Variants in SIPA1L3 observed in about 807,000 individuals in gnomAD.
The protein encoded by SIPA1L3 is signal induced proliferation associated 1 like 3, also known as signal-induced proliferation-associated 1-like protein 3.
Under a neutral mutation model 150.1 loss-of-function variants are expected in SIPA1L3, and 59 were observed. That is an observed-to-expected ratio of 0.39 (90% CI 0.32 to 0.49). The LOEUF is 0.49. Ranked by LOEUF, SIPA1L3 falls within the 20% of genes least tolerant of loss-of-function variation. The pLI, the probability that SIPA1L3 is intolerant of heterozygous loss-of-function variation, is 0.86. For missense variants in SIPA1L3, 2,211 were observed against 2,489.5 expected, an observed-to-expected ratio of 0.89 and a Z score of 2.38; for synonymous variants, 1,070 against 1,077.6, an observed-to-expected ratio of 0.99 and a Z score of 0.14.
At chr19:38,132,540 T>G (rs1228809127) in intron 10 of SIPA1L3, among the ~76,000 whole-genome samples, 1 of 142,482 alleles carries the variant, frequency 7.0e-6, no homozygotes, top group East Asian at 2.1e-4. Context: ...GCTGAGATCG[T>G]GCCATTGCAC....
chr19:38,175,973 C>T (rs570175248), intron 15 of SIPA1L3, among the ~76,000 whole-genome samples: 4 of 152,158 alleles, frequency 2.6e-5, no homozygotes, highest in African/African-American at 7.2e-5. Context: ...TTTGGGAGGC[C>T]GAGGCGGGCG....
At chr19:37,956,301 G>A (rs985713429) in intron 1 of SIPA1L3, among the ~76,000 whole-genome samples, 5 of 152,044 alleles carry the variant, frequency 3.3e-5, no homozygotes, top group African/African-American at 7.3e-5. Context: ...TTGGCCATTC[G>A]TGTATCTTCT....
chr19:38,157,358 C>T lies in SIPA1L3; in HGVS notation c.3661+4391C>T, dbSNP rs182174220. 7.2e-5 allele frequency among the ~76,000 whole-genome samples: 11 copies of T among 152,246 alleles called. No individual in the cohort carries two copies. In the East Asian group the frequency reaches 2.1e-3, roughly 29 times the overall value. ...CAGGAACACAACAGGGTGGGCACTG[C>T]GACTGCCCCCGGTTAGAGAGGAGGA... On this transcript the variant is annotated intron_variant, in intron 13 of 21. Transcript: ENST00000222345.
intron 2 of SIPA1L3, among the ~76,000 whole-genome samples, chr19:38,063,825 AAAT>A (rs911497297): frequency 2.0e-5 from 3 of 152,182 alleles, no homozygotes; most frequent in Non-Finnish European, 1.5e-5. Context: ...ACTGAGAAAA[AAAT>A]AATAATAATA....
At chr19:38,137,139 G>A (rs1005047156) in intron 10 of SIPA1L3, among the ~76,000 whole-genome samples, 3 of 152,134 alleles carry the variant, frequency 2.0e-5, no homozygotes, top group Non-Finnish European at 2.9e-5. Flanking sequence ...ATCTGGCCCC[G>A]CAGCCCTGGT....
At chr19:38,182,800 C>A in intron 16 of SIPA1L3, 60 bp downstream of exon 16, 3 of 1,349,016 alleles carry the variant, frequency 2.2e-6, no homozygotes, top group East Asian at 2.4e-5. Flanking sequence ...GTCTCCGGGG[C>A]GGAAAGAGGG....
intron 11 of SIPA1L3, among the ~76,000 whole-genome samples, chr19:38,141,976 A>AAAAAT (rs140743573): frequency 2.6e-5 from 4 of 152,276 alleles, no homozygotes; most frequent in African/African-American, 7.2e-5. Context: ...CTTATCTCTG[A>AAAAAT]AAAATAAAAT....
chr19:37,914,818 A>C (rs2046403320), intron 1 of SIPA1L3, among the ~76,000 whole-genome samples: 1 of 152,130 alleles, frequency 6.6e-6, no homozygotes, highest in Non-Finnish European at 1.5e-5. Flanking sequence ...TTTTTTATAA[A>C]ATAATAATAA....
intron 1 of SIPA1L3, among the ~76,000 whole-genome samples, chr19:37,984,810 C>T (rs1460475976): frequency 6.6e-6 from 1 of 152,242 alleles, no homozygotes; most frequent in African/African-American, 2.4e-5. Flanking sequence ...GCCTCTCATG[C>T]AGGCAACTCT....
At chr19:38,145,883 C>T (rs1971694496) in intron 12 of SIPA1L3, among the ~76,000 whole-genome samples, 1 of 151,174 alleles carries the variant, frequency 6.6e-6, no homozygotes, top group South Asian at 2.1e-4. Flanking sequence ...TTTTTGGAGA[C>T]AAAGTCTCAC....
intron 1 of SIPA1L3, among the ~76,000 whole-genome samples, chr19:37,938,971 T>A (rs2046627345): frequency 6.6e-6 from 1 of 152,202 alleles, no homozygotes; most frequent in South Asian, 2.1e-4. Context: ...TTATATACTG[T>A]GGCTACTAAT....
intron 4 of SIPA1L3, among the ~76,000 whole-genome samples, chr19:38,096,253 T>C (rs1473015039): frequency 6.6e-6 from 1 of 152,036 alleles, no homozygotes; most frequent in Non-Finnish European, 1.5e-5. Flanking sequence ...CCTTAGTCTT[T>C]TTGTTGTTGT....
chr19:38,192,132 G>T lies in SIPA1L3; in HGVS notation c.4431-13G>T. On this transcript the variant is annotated splice_polypyrimidine_tract_variant and intron_variant, in intron 16 of 21. Transcript: ENST00000222345. Reference sequence around the variant, plus strand: ...TCCCTGACACCCCTCTGACCCTGACGCTGTCATTCCAGGCAGGTGGACACG... The same window carrying T: ...TCCCTGACACCCCTCTGACCCTGACTCTGTCATTCCAGGCAGGTGGACACG... 6.3e-7 allele frequency: 1 copy of T among 1,591,100 alleles called. No homozygotes were observed. Among genetic ancestry groups the T allele is most frequent in the Non-Finnish European group, 8.5e-7 (1 of 1,169,712 alleles).
chr19:38,104,024 C>T (rs1970567058), intron 6 of SIPA1L3, among the ~76,000 whole-genome samples: 1 of 151,922 alleles, frequency 6.6e-6, no homozygotes, highest in South Asian at 2.1e-4. Flanking sequence ...TGTCACAGCT[C>T]CCTGGGGAAT....
intron 15 of SIPA1L3, among the ~76,000 whole-genome samples, chr19:38,169,584 G>A (rs1193188429): frequency 6.6e-6 from 1 of 152,212 alleles, no homozygotes; most frequent in Non-Finnish European, 1.5e-5. Flanking sequence ...AAGATTGAAT[G>A]TACCCTTAGA....
intron 2 of SIPA1L3, among the ~76,000 whole-genome samples, chr19:38,062,487 G>A (rs901372329): frequency 9.8e-5 from 15 of 152,334 alleles, no homozygotes; most frequent in African/African-American, 3.6e-4. Context: ...AGTGGAGCCA[G>A]GTTTGAGGCC....
At chr19:38,014,427 C>A (rs1327783711) in intron 1 of SIPA1L3, among the ~76,000 whole-genome samples, 1 of 151,940 alleles carries the variant, frequency 6.6e-6, no homozygotes, top group African/African-American at 2.4e-5. Context: ...CATCAGATCT[C>A]GGGCTGTGTT....
At chr19:38,189,659 G>A (rs1390862756) in intron 16 of SIPA1L3, among the ~76,000 whole-genome samples, 3 of 152,008 alleles carry the variant, frequency 2.0e-5, no homozygotes, top group East Asian at 1.9e-4. Flanking sequence ...CCAGCTACTC[G>A]GGAAGCTGAG....
At chr19:37,940,115 T>A (rs62112289) in intron 1 of SIPA1L3, among the ~76,000 whole-genome samples, 7,027 of 151,566 alleles carry the variant, frequency 0.046, 197 homozygotes, top group East Asian at 0.11. Flanking sequence ...AGATAAGGGG[T>A]GTGAAGAAAA....
Sources: allele counts gnomAD v4.1 joint callset (sites outside exome capture counted in the v4.1 genomes callset), GRCh38; gene constraint gnomAD v4.1.1; transcripts MANE v1.5; gene names NCBI Gene and HGNC (gene_info 2026-07-23, HGNC 2026-07-21).